Variants in TAF1B observed in about 807,000 individuals in gnomAD.
TAF1B encodes TATA-box binding protein associated factor, RNA polymerase I subunit B.
A neutral mutation model predicts 83.9 loss-of-function variants in TAF1B; 61 were observed. That is an observed-to-expected ratio of 0.73 (90% confidence interval 0.59 to 0.90). TAF1B has a LOEUF of 0.90. Ranked by LOEUF, TAF1B falls within the 40% of genes least tolerant of loss-of-function variation. The pLI is 0.00. For missense variants in TAF1B, 625 were observed against 677.0 expected, an observed-to-expected ratio of 0.92 and a Z score of 0.85; for synonymous variants, 221 against 224.6, an observed-to-expected ratio of 0.98 and a Z score of 0.14.
chr2:9,915,397 T>C (rs966615290), intron 12 of TAF1B, among the ~76,000 whole-genome samples: 8 of 152,298 alleles, frequency 5.3e-5, no homozygotes, highest in African/African-American at 1.9e-4. Context: ...GCAAATCACA[T>C]ATCCGTTTAA....
intron 6 of TAF1B, chr2:9,868,653 G>A: frequency 1.4e-6 from 1 of 690,104 alleles, no homozygotes; most frequent in Non-Finnish European, 2.6e-6. Context: ...TTTTGTGTGT[G>A]ATTTTAAAGG....
chr2:9,901,480 C>T (rs926710991), intron 8 of TAF1B, among the ~76,000 whole-genome samples: 10 of 152,212 alleles, frequency 6.6e-5, no homozygotes, highest in African/African-American at 2.4e-4. Context: ...ATCCTTGTAG[C>T]CTACCAAATT....
At chr2:9,908,407 A>G (rs767839247) in intron 9 of TAF1B, among the ~76,000 whole-genome samples, 2 of 152,186 alleles carry the variant, frequency 1.3e-5, no homozygotes, top group Admixed American at 6.5e-5. Flanking sequence ...TAGAATAATA[A>G]TACTAATATG....
In TAF1B at chr2:9,875,865, A is replaced by G. The variant is rs200450826; in HGVS notation, c.554A>G (p.Glu185Gly). The stretch of plus-strand genomic sequence containing the variant: ...TAAAAATCTCCATTTATCTCCTAAG[A>G]AACGTCTGTCTGCTCTGGATCTCTG... The part of the protein sequence containing the change: ...PFPVSKASQS[E>G]TSVCSGSLDG... The change falls in exon 7 of 15, where the codon GAA becomes GGA. Residue 185 changes from glutamate (E) to glycine (G), a missense_variant and splice_region_variant. Physicochemically the swap from Glu to Gly is moderately conservative, Grantham distance 98. Coordinates refer to ENST00000263663, the MANE Select transcript of TAF1B (RefSeq NM_005680.3). The G allele has an allele frequency of 1.8e-5, 28 of 1,575,344 alleles. No homozygotes were observed. Among genetic ancestry groups the G allele is most frequent in the Non-Finnish European group, 2.3e-5 (27 of 1,153,460 alleles).
intron 14 of TAF1B, among the ~76,000 whole-genome samples, chr2:9,928,471 T>C (rs1572296476): frequency 1.3e-5 from 2 of 152,242 alleles, no homozygotes; most frequent in Non-Finnish European, 2.9e-5. Context: ...TTTCACGATA[T>C]TGATTGTTCC....
rs1317029938 is a variant in TAF1B, at chr2:9,919,896, GA to G, written c.1565+78del. ...TAAGAGCCAGATAGGTTTTTTGTTGGAATTAGAAGCTGGTGAGCTTAAAGTC... is the reference window on the plus strand; with the variant it reads ...TAAGAGCCAGATAGGTTTTTTGTTGGATTAGAAGCTGGTGAGCTTAAAGTC... On this transcript the variant is annotated intron_variant, in intron 14 of 14. Transcript: ENST00000263663. 12 of 1,395,408 alleles carry G rather than the reference GA, an allele frequency of 8.6e-6. No homozygotes were observed. In the African/African-American group the frequency reaches 1.4e-4, roughly 17 times the overall value. The allele number at this position is 1,395,408 out of a possible 1,614,324, so 86.4% of individuals were successfully genotyped here. A position where few individuals can be genotyped will look rare whatever the true frequency, so the allele number is the denominator to read the frequency against.
chr2:9,863,594 G>A lies in TAF1B; in HGVS notation c.400-4682G>A, dbSNP rs996655145. 1.2e-4 allele frequency among the ~76,000 whole-genome samples: 19 copies of A among 152,164 alleles called. 1 individual carries two copies. Among genetic ancestry groups the A allele is most frequent in the African/African-American group, 4.6e-4 (19 of 41,422 alleles). On this transcript the variant is annotated intron_variant, in intron 5 of 14. Coordinates refer to ENST00000263663, the MANE Select transcript of TAF1B (RefSeq NM_005680.3). ...ATTGAACTCAGCTCTGCACCAAGTG[G>A]ACCTAATAGACATCTATAGAACTCT...
rs187647490 is a variant in TAF1B, at chr2:9,917,378, G to A, written c.1272-1663G>A. Among the ~76,000 whole-genome samples, 248 of 152,232 alleles carry A rather than the reference G, an allele frequency of 1.6e-3. 2 individuals carry two copies. The highest frequency in any genetic ancestry group is 6.8e-3 in the Middle Eastern group (2 of 292). ...CTTCCTAGTATTAAAAATAAATGGT[G>A]AGAAATTATTATAGATGCTACAGAT... On this transcript the variant is annotated intron_variant, in intron 12 of 14. Coordinates refer to ENST00000263663, the MANE Select transcript of TAF1B (RefSeq NM_005680.3).
intron 5 of TAF1B, among the ~76,000 whole-genome samples, chr2:9,863,408 A>G (rs955018853): frequency 5.8e-4 from 88 of 152,238 alleles, no homozygotes; most frequent in African/African-American, 2.1e-3. Flanking sequence ...TATCCTAAAT[A>G]TATATGCACC....
chr2:9,861,309 C>T (rs183749661), intron 5 of TAF1B, among the ~76,000 whole-genome samples: 1 of 152,264 alleles, frequency 6.6e-6, no homozygotes, highest in Non-Finnish European at 1.5e-5. Flanking sequence ...TATCCCACAC[C>T]TGGCTTGGAG....
chr2:9,843,964 C>A (rs1382974215), intron 1 of TAF1B, among the ~76,000 whole-genome samples: 1 of 152,020 alleles, frequency 6.6e-6, no homozygotes. Flanking sequence ...TAACCCCTGT[C>A]GGTCTCTCCG....
At chr2:9,912,822 G>T (rs578226680) in intron 11 of TAF1B, among the ~76,000 whole-genome samples, 1 of 152,200 alleles carries the variant, frequency 6.6e-6, no homozygotes, top group East Asian at 1.9e-4. Context: ...CAGTTCTTTC[G>T]GTAGTTTCCT....
At chr2:9,911,427 C>T (rs930115761) in intron 10 of TAF1B, 84 bp from the exon 11 acceptor site, 50 of 1,094,044 alleles carry the variant, frequency 4.6e-5, no homozygotes, top group Non-Finnish European at 5.7e-5. Flanking sequence ...TACTGTTCTA[C>T]ACTTTTCTCT....
intron 5 of TAF1B, among the ~76,000 whole-genome samples, chr2:9,854,910 A>G (rs1398668144): frequency 1.3e-5 from 2 of 152,222 alleles, no homozygotes; most frequent in Non-Finnish European, 2.9e-5. Flanking sequence ...TAACTGCTTT[A>G]TAAATGTGCC....
Position 9,882,723 on chromosome 2 carries a change from A to T in TAF1B, c.725A>T (p.His242Leu). Reference protein sequence around the residue: ...SDLLRFVEEDHIPYINAFQHF... With the variant: ...SDLLRFVEEDLIPYINAFQHF... ...AAATACAGGTTTGTTGAAGAGGACC[A>T]TATTCCTTACATAAATGCTTTTCAG... Residue 242 changes from histidine to leucine, a missense_variant, in exon 8 of 15, where the codon CAT (histidine) becomes CTT (leucine). Transcript: ENST00000263663. 3 of 1,610,768 alleles carry T rather than the reference A, an allele frequency of 1.9e-6. No individual in the cohort carries two copies. The highest frequency in any genetic ancestry group is 2.5e-6 in the Non-Finnish European group (3 of 1,178,480).
chr2:9,926,518 C>G (rs943393560), intron 14 of TAF1B, among the ~76,000 whole-genome samples: 2 of 152,128 alleles, frequency 1.3e-5, no homozygotes, highest in African/African-American at 2.4e-5. Flanking sequence ...CCCTGGATAG[C>G]CTATATGTTG....
At chr2:9,916,271 A>G (rs1350391598) in intron 12 of TAF1B, among the ~76,000 whole-genome samples, 28 of 152,242 alleles carry the variant, frequency 1.8e-4, no homozygotes, top group African/African-American at 6.5e-4. Context: ...AGAAATATAT[A>G]GATAACATGT....
chr2:9,855,554 G>A (rs893695293), intron 5 of TAF1B, among the ~76,000 whole-genome samples: 1 of 152,054 alleles, frequency 6.6e-6, no homozygotes, highest in African/African-American at 2.4e-5. Context: ...GGTGACACAT[G>A]CCCTATATAG....
chr2:9,882,668 A>G (rs749213959), intron 7 of TAF1B, 38 bp from the exon 8 acceptor site: 2 of 1,458,008 alleles, frequency 1.4e-6, no homozygotes, highest in East Asian at 2.3e-5. Context: ...ATATCAGTAT[A>G]TAACTCTCAT....
Sources: gnomAD v4.1 joint callset for allele counts (sites outside exome capture counted in the v4.1 genomes callset) on GRCh38, gnomAD v4.1.1 for gene constraint, MANE v1.5 for transcripts, NCBI Gene and HGNC (gene_info 2026-07-23, HGNC 2026-07-21) for gene names.